The following DGKB variants were observed in gnomAD, a reference collection of about 807,000 sequenced individuals.
DGKB encodes the protein 90 kDa diacylglycerol kinase.
DGKB carries 67 observed loss-of-function variants against 114.3 expected under a neutral mutation model. That is an observed-to-expected ratio of 0.59 (90% CI 0.48 to 0.72). The LOEUF (loss-of-function observed/expected upper bound fraction) is 0.72, where lower values mean the gene tolerates loss of function less well. DGKB is among the 30% of genes least tolerant of loss of function. The pLI is 0.00. For synonymous variants in DGKB, 398 were observed against 323.1 expected (o/e 1.23, Z -2.49); for missense variants, 907 against 975.2 (o/e 0.93, Z 0.93).
intron 23 of DGKB, among the ~76,000 whole-genome samples, chr7:14,279,807 C>T (rs9718572): frequency 0.75 from 107,761 of 143,798 alleles, 41,498 homozygotes; most frequent in South Asian, 0.85. Flanking sequence ...TACTGTCTGT[C>T]AGAAGGAAAA....
chr7:14,974,011 T>A (rs1859411), intron 1 of DGKB, among the ~76,000 whole-genome samples: 90,448 of 151,206 alleles, frequency 0.6, 29,487 homozygotes, highest in East Asian at 0.87. Context: ...ATTCCTCTTA[T>A]GAGTTTCAGA....
chr7:14,635,868 A>T (rs10240013), intron 13 of DGKB, among the ~76,000 whole-genome samples: 41,130 of 151,382 alleles, frequency 0.27, 6,420 homozygotes, highest in East Asian at 0.59. Flanking sequence ...TATAAAAACG[A>T]GAGCCAGTTC....
At chr7:14,452,111 T>C (rs1831610794) in intron 21 of DGKB, among the ~76,000 whole-genome samples, 1 of 152,076 alleles carries the variant, frequency 6.6e-6, no homozygotes, top group African/African-American at 2.4e-5. Flanking sequence ...ATTATCACCA[T>C]CGATATGCTT....
At chr7:14,314,178 G>A (rs1806000721) in intron 23 of DGKB, among the ~76,000 whole-genome samples, 1 of 152,056 alleles carries the variant, frequency 6.6e-6, no homozygotes, top group Non-Finnish European at 1.5e-5. Context: ...CACAAAGATG[G>A]GGAAAAAACA....
chr7:14,698,846 C>A (rs1015206268), intron 7 of DGKB, among the ~76,000 whole-genome samples: 20 of 152,084 alleles, frequency 1.3e-4, no homozygotes, highest in African/African-American at 4.8e-4. Context: ...TTTTCTCTAC[C>A]TACAGAAAAG....
At chr7:14,892,831 T>C (rs1483102122) in intron 1 of DGKB, among the ~76,000 whole-genome samples, 1 of 150,430 alleles carries the variant, frequency 6.6e-6, no homozygotes, top group Non-Finnish European at 1.5e-5. Flanking sequence ...CAGTGTACAT[T>C]CTGGTCAAAG....
In DGKB at chr7:14,381,168, C is replaced by T. The variant is rs186905278; in HGVS notation, c.1836-35777G>A. On this transcript the variant is annotated intron_variant, in intron 21 of 25. Coordinates refer to ENST00000402815, the MANE Select transcript of DGKB (RefSeq NM_001350709.2). ...AGAAACTCCAGTGTTGGAACCTGGC[C>T]TTCAATGTTGTCATGCCAAGGTAAT... Among the ~76,000 whole-genome samples, 5 of 152,296 alleles carry T rather than the reference C, an allele frequency of 3.3e-5. No individual in the cohort carries two copies. The East Asian group carries it at 5.8e-4, about 18-fold the overall frequency.
chr7:14,177,012 C>T, intron 24 of DGKB, 113 bp from the exon 25 acceptor site: 1 of 1,159,778 alleles, frequency 8.6e-7, no homozygotes, highest in South Asian at 1.5e-5. Context: ...TAGTTGGGCT[C>T]TAAATTTATC....
intron 13 of DGKB, among the ~76,000 whole-genome samples, chr7:14,635,524 G>C (rs971478590): frequency 6.6e-6 from 1 of 151,388 alleles, no homozygotes; most frequent in African/African-American, 2.4e-5. Context: ...AGAAAACTAT[G>C]AAATCGAGGA....
At chr7:14,789,307 CCT>C (rs1341759517) in intron 2 of DGKB, among the ~76,000 whole-genome samples, 1 of 152,090 alleles carries the variant, frequency 6.6e-6, no homozygotes, top group Non-Finnish European at 1.5e-5. Flanking sequence ...TACACAATTC[CCT>C]CTGTCTCTCA....
intron 20 of DGKB, among the ~76,000 whole-genome samples, chr7:14,571,768 C>T (rs139143125): frequency 6.6e-6 from 1 of 152,230 alleles, no homozygotes; most frequent in African/African-American, 2.4e-5. Context: ...CATATGGATG[C>T]GATGACAAAG....
chr7:14,273,768 A>G (rs1210623941), intron 23 of DGKB, among the ~76,000 whole-genome samples: 1 of 152,174 alleles, frequency 6.6e-6, no homozygotes, highest in East Asian at 1.9e-4. Flanking sequence ...CTCAGTTGTT[A>G]CTAGTAAGTA....
At chr7:14,759,441 C>G (rs1835372950) in intron 2 of DGKB, among the ~76,000 whole-genome samples, 1 of 152,164 alleles carries the variant, frequency 6.6e-6, no homozygotes. Flanking sequence ...CTCTGGCTAT[C>G]ATTAGCCTAT....
intron 21 of DGKB, among the ~76,000 whole-genome samples, chr7:14,365,278 C>G (rs1369231176): frequency 1.3e-5 from 2 of 151,962 alleles, no homozygotes; most frequent in Non-Finnish European, 2.9e-5. Flanking sequence ...AGTCTTAATG[C>G]AGTAGAATTT....
chr7:14,950,115 GA>G lies in DGKB; in HGVS notation c.-188+24580del, dbSNP rs559888339. Among the ~76,000 whole-genome samples the G allele has an allele frequency of 4.6e-3, 692 of 150,442 alleles. 4 individuals are homozygous for G. The highest frequency in any genetic ancestry group is 0.016 in the African/African-American group (654 of 40,910). On this transcript the variant is annotated intron_variant, in intron 1 of 4. Transcript: ENST00000437998. ...TTAAAAGTATAATAATAAAAAAAAA[GA>G]AAAAAAATGTTGGAAAGACCAAGAC...
intron 2 of DGKB, among the ~76,000 whole-genome samples, chr7:14,832,557 C>T (rs1423682459): frequency 1.3e-5 from 2 of 152,022 alleles, no homozygotes; most frequent in African/African-American, 4.8e-5. Context: ...CAGTGGCATT[C>T]TAAATGATAA....
intron 21 of DGKB, among the ~76,000 whole-genome samples, chr7:14,434,350 T>C (rs1828927614): frequency 6.6e-6 from 1 of 152,090 alleles, no homozygotes; most frequent in South Asian, 2.1e-4. Flanking sequence ...AATTTTAGGA[T>C]TTGGGGAGGG....
chr7:14,939,664 C>T (rs1160885061), intron 1 of DGKB, among the ~76,000 whole-genome samples: 1 of 103,424 alleles, frequency 9.7e-6, no homozygotes, highest in African/African-American at 3.8e-5. Context: ...GAGTCTCGTT[C>T]TGCCCAGGCT....
chr7:14,248,416 A>G lies in DGKB; in HGVS notation c.2123-70265T>C, dbSNP rs1055137694. On this transcript the variant is annotated intron_variant, in intron 23 of 25. Coordinates refer to ENST00000402815, the MANE Select transcript of DGKB (RefSeq NM_001350709.2). ...CCATTGGAATTTTGGTAGGAATTACATTGAATCTGTAGATAGCTTTGTATG... is the reference window on the plus strand; with the variant it reads ...CCATTGGAATTTTGGTAGGAATTACGTTGAATCTGTAGATAGCTTTGTATG... Among the ~76,000 whole-genome samples, 8 of 152,132 alleles carry G rather than the reference A, an allele frequency of 5.3e-5. No homozygotes were observed. In the South Asian group the frequency reaches 1.4e-3, roughly 28 times the overall value.
Sources: allele counts gnomAD v4.1 joint callset (sites outside exome capture counted in the v4.1 genomes callset), GRCh38; gene constraint gnomAD v4.1.1; transcripts MANE v1.5; gene names NCBI Gene and HGNC (gene_info 2026-07-23, HGNC 2026-07-21).